TMEM114: variants seen among roughly 807,000 people sequenced by gnomAD.
TMEM114 encodes transmembrane protein 114, also known as claudin-26.
Under a neutral mutation model 6.2 loss-of-function variants are expected in TMEM114, and 6 were observed. The observed-to-expected ratio is 0.97, with a 90% CI of 0.53 to 1.91. The LOEUF is 1.91. Among genes scored for constraint, TMEM114 ranks in the 40% most tolerant of loss-of-function variants. The pLI, the probability that TMEM114 is intolerant of heterozygous loss-of-function variation, is 0.01. For synonymous variants in TMEM114, 104 were observed against 73.0 expected (o/e 1.42, Z -2.16); for missense variants, 218 against 158.3 (o/e 1.38, Z -2.02).
At chr16:8,572,671 A>G (rs112852029) in intron 2 of TMEM114, among the ~76,000 whole-genome samples, 27 of 152,308 alleles carry the variant, frequency 1.8e-4, no homozygotes, top group African/African-American at 6.3e-4. Flanking sequence ...CCTGGGCCCA[A>G]GCGATCCTCC....
chr16:8,570,565 C>T (rs887831829), intron 3 of TMEM114, among the ~76,000 whole-genome samples: 4 of 152,178 alleles, frequency 2.6e-5, no homozygotes, highest in Non-Finnish European at 5.9e-5. Context: ...CTCCTGACCT[C>T]AAGTGATCCG....
intron 2 of TMEM114, among the ~76,000 whole-genome samples, chr16:8,552,089 G>A (rs896993069): frequency 6.6e-6 from 1 of 152,034 alleles, no homozygotes; most frequent in Non-Finnish European, 1.5e-5. Context: ...AGGACTATAA[G>A]GGGGACCAGG....
rs548326982 is a variant in TMEM114, at chr16:8,569,535, G to C, written c.*238C>G. ...GGATCGTTTTTATTTCTCGCGAAGC[G>C]GTTTGGCACTCCCTCGGGCTCCTCC... On this transcript the variant is annotated 3_prime_UTR_variant, in exon 4 of 4. Transcript: ENST00000620492. The C allele has an allele frequency of 1.4e-6, 2 of 1,397,772 alleles. No homozygotes were observed. The highest frequency in any genetic ancestry group is 9.3e-7 in the Non-Finnish European group (1 of 1,078,302). The allele number at this position is 1,397,772 out of a possible 1,614,324, so 86.6% of individuals were successfully genotyped here.
chr16:8,544,348 G>C (rs1250112516), intron 2 of TMEM114, among the ~76,000 whole-genome samples: 1 of 152,208 alleles, frequency 6.6e-6, no homozygotes, highest in African/African-American at 2.4e-5. Flanking sequence ...ATCAAGCTGG[G>C]TCCTGTGCAT....
chr16:8,576,704 C>CAGGA (rs71396282), intron 2 of TMEM114, among the ~76,000 whole-genome samples: 2,360 of 129,314 alleles, frequency 0.018, 23 homozygotes, highest in East Asian at 0.044. Context: ...TGAATGAGAG[C>CAGGA]AGGAAGGAAG....
chr16:8,588,133 A>G (rs1199805172), intron 2 of TMEM114, among the ~76,000 whole-genome samples: 3 of 152,078 alleles, frequency 2.0e-5, no homozygotes, highest in African/African-American at 7.2e-5. Context: ...TAGAAATATG[A>G]AAAATTAGCC....
At chr16:8,568,713 A>G (rs1901625244), downstream of TMEM114, among the ~76,000 whole-genome samples, 1 of 152,176 alleles carries the variant, frequency 6.6e-6, no homozygotes, top group Admixed American at 6.5e-5. Context: ...CCTCCCCTAC[A>G]TCTCATGACT....
chr16:8,544,356 C>A (rs1024519137), intron 2 of TMEM114, among the ~76,000 whole-genome samples: 1 of 152,142 alleles, frequency 6.6e-6, no homozygotes, highest in Non-Finnish European at 1.5e-5. Flanking sequence ...GGGTCCTGTG[C>A]ATATAGAGAA....
At chr16:8,569,230 C>G (rs1341657884), downstream of TMEM114, among the ~76,000 whole-genome samples, 1 of 152,182 alleles carries the variant, frequency 6.6e-6, no homozygotes, top group Non-Finnish European at 1.5e-5. Context: ...AGTGCTCTAT[C>G]AATTGGCCAA....
At chr16:8,553,482 A>T (rs1411666447) in intron 2 of TMEM114, among the ~76,000 whole-genome samples, 3 of 133,522 alleles carry the variant, frequency 2.2e-5, no homozygotes, top group African/African-American at 9.0e-5. Context: ...CTGCAGTCTC[A>T]GCTTTTCTTT....
chr16:8,556,680 T>C (rs909964384), intron 2 of TMEM114, among the ~76,000 whole-genome samples: 3 of 152,044 alleles, frequency 2.0e-5, no homozygotes, highest in African/African-American at 7.2e-5. Flanking sequence ...TTTTTGTATT[T>C]TTAGTAGAGA....
At chr16:8,544,594 C>A (rs1900605177) in intron 2 of TMEM114, among the ~76,000 whole-genome samples, 1 of 152,160 alleles carries the variant, frequency 6.6e-6, no homozygotes, top group Admixed American at 6.5e-5. Flanking sequence ...TCATAAGACT[C>A]TTAGGAACAG....
At chr16:8,549,282 C>T (rs1166020853) in intron 2 of TMEM114, among the ~76,000 whole-genome samples, 2 of 151,162 alleles carry the variant, frequency 1.3e-5, no homozygotes, top group East Asian at 3.9e-4. Context: ...GGTGGATCAC[C>T]TGAGGTCAGG....
At chr16:8,562,593 T>TGAATGAGTGAGTGAGTGAGG (rs1901292125) in intron 2 of TMEM114, among the ~76,000 whole-genome samples, 1 of 129,944 alleles carries the variant, frequency 7.7e-6, no homozygotes, top group Non-Finnish European at 1.7e-5. Context: ...AATAAGTAAG[T>TGAATGAGTGAGTGAGTGAGG]GAATGAGTGA....
intron 2 of TMEM114, among the ~76,000 whole-genome samples, chr16:8,546,422 C>G (rs898548014): frequency 2.6e-5 from 4 of 152,146 alleles, no homozygotes; most frequent in Admixed American, 1.3e-4. Context: ...AGTAGCCAGA[C>G]TCTATATAAA....
intron 2 of TMEM114, among the ~76,000 whole-genome samples, chr16:8,548,714 A>G (rs1329230262): frequency 6.6e-6 from 1 of 151,254 alleles, no homozygotes; most frequent in Non-Finnish European, 1.5e-5. Context: ...ACACAGAAAA[A>G]AAATACACCC....
chr16:8,549,471 G>A (rs1311777606), intron 2 of TMEM114, among the ~76,000 whole-genome samples: 3 of 142,364 alleles, frequency 2.1e-5, no homozygotes, highest in Admixed American at 7.3e-5. Flanking sequence ...CTTCACTCAA[G>A]CCTGGGCAAC....
chr16:8,576,084 A>G (rs751781105), intron 2 of TMEM114, among the ~76,000 whole-genome samples: 15 of 152,282 alleles, frequency 9.9e-5, no homozygotes, highest in Non-Finnish European at 1.9e-4. Flanking sequence ...ACCACAATAC[A>G]ATGAGACCCA....
chr16:8,532,872 C>G (rs888896475), downstream of TMEM114, among the ~76,000 whole-genome samples: 16 of 152,088 alleles, frequency 1.1e-4, no homozygotes, highest in Middle Eastern at 6.8e-3. Context: ...TGCAGTGAGC[C>G]GAGATCACGC....
Sources: gnomAD v4.1 joint callset for allele counts (sites outside exome capture counted in the v4.1 genomes callset) on GRCh38, gnomAD v4.1.1 for gene constraint, MANE v1.5 for transcripts, NCBI Gene and HGNC (gene_info 2026-07-23, HGNC 2026-07-21) for gene names.